The following TRIM67 variants were observed in gnomAD, a reference collection of about 807,000 sequenced individuals.
TRIM67 encodes tripartite motif-containing protein 67.
A neutral mutation model predicts 71.0 loss-of-function variants in TRIM67; 39 were observed. The observed-to-expected ratio is 0.55, with a 90% confidence interval of 0.43 to 0.72. The LOEUF (loss-of-function observed/expected upper bound fraction) is 0.72, where lower values mean the gene tolerates loss of function less well. Among genes scored for constraint, TRIM67 ranks in the 30% least tolerant of loss-of-function variants. The pLI is 0.00. For synonymous variants in TRIM67, 481 were observed against 473.9 expected (o/e 1.01, Z -0.19); for missense variants, 973 against 1,079.2 (o/e 0.90, Z 1.38).
At chr1:231,190,100 T>A (rs920624376) in intron 1 of TRIM67, among the ~76,000 whole-genome samples, 16 of 152,150 alleles carry the variant, frequency 1.1e-4, no homozygotes, top group Admixed American at 1.0e-3. Context: ...AATAAGAAAC[T>A]AATGTCCCAT....
chr1:231,172,303 A>G (rs1180101109), intron 1 of TRIM67, among the ~76,000 whole-genome samples: 4 of 152,136 alleles, frequency 2.6e-5, no homozygotes, highest in Non-Finnish European at 5.9e-5. Context: ...ATGGAGCACA[A>G]CCTCTCATTC....
At chr1:231,172,232 T>A (rs1287942124) in intron 1 of TRIM67, among the ~76,000 whole-genome samples, 1 of 152,198 alleles carries the variant, frequency 6.6e-6, no homozygotes, top group Non-Finnish European at 1.5e-5. Flanking sequence ...TGAGGAGTAG[T>A]TATGCATAGA....
At position 231,207,163 on chromosome 1, in the gene TRIM67, A is replaced by G. The variant is rs1683726417; in HGVS notation, c.1819+373A>G. 3.3e-5 allele frequency among the ~76,000 whole-genome samples: 5 copies of G among 152,276 alleles called. No individual in the cohort carries two copies. The South Asian group carries it at 1.0e-3, about 32-fold the overall frequency. ...CACGAAAGAAACATTCATTTACCCCATTGTGCTGGACTAAATGTGAAGTAG... is the reference window on the plus strand; with the variant it reads ...CACGAAAGAAACATTCATTTACCCCGTTGTGCTGGACTAAATGTGAAGTAG... On this transcript the variant is annotated intron_variant, in intron 7 of 9. Coordinates refer to ENST00000366653, the MANE Select transcript of TRIM67 (RefSeq NM_001004342.5).
intron 9 of TRIM67, among the ~76,000 whole-genome samples, chr1:231,214,647 CG>C: frequency 6.6e-6 from 1 of 151,776 alleles, no homozygotes; most frequent in African/African-American, 2.4e-5. Flanking sequence ...GGCATGGTAG[CG>C]GGTGCCTGTA....
At chr1:231,176,906 C>CA (rs56115614) in intron 1 of TRIM67, among the ~76,000 whole-genome samples, 1,194 of 74,294 alleles carry the variant, frequency 0.016, 50 homozygotes, top group Middle Eastern at 0.056. Context: ...TACAATCTGG[C>CA]AAAAAAAAAA....
chr1:231,212,030 A>G (rs1338865472), intron 8 of TRIM67, among the ~76,000 whole-genome samples: 1 of 152,246 alleles, frequency 6.6e-6, no homozygotes, highest in East Asian at 1.9e-4. Flanking sequence ...GCCGGTGGCC[A>G]AAGAGACAGC....
chr1:231,202,239 G>A (rs939375489), intron 5 of TRIM67, among the ~76,000 whole-genome samples: 13 of 7,564 alleles, frequency 1.7e-3, no homozygotes, highest in East Asian at 0.014. Context: ...AGGAGAGGAG[G>A]GGGGGTAGTG....
At chr1:231,197,109 T>C (rs1683384867) in intron 1 of TRIM67, among the ~76,000 whole-genome samples, 2 of 152,226 alleles carry the variant, frequency 1.3e-5, no homozygotes, top group Admixed American at 1.3e-4. Context: ...CCTGTTTGCT[T>C]CAACCCGTTA....
At chr1:231,193,466 TA>T (rs1052913230) in intron 1 of TRIM67, among the ~76,000 whole-genome samples, 16 of 120,690 alleles carry the variant, frequency 1.3e-4, no homozygotes, top group East Asian at 2.4e-4. Context: ...TTAATTCCCT[TA>T]AAAAAAAAGA....
At chr1:231,172,861 TTCTC>T (rs775683609) in intron 1 of TRIM67, among the ~76,000 whole-genome samples, 19 of 152,210 alleles carry the variant, frequency 1.2e-4, no homozygotes, top group Non-Finnish European at 2.4e-4. Context: ...AGATGAGACT[TTCTC>T]TCACTCGATA....
At chr1:231,184,948 CT>C (rs1683020576) in intron 1 of TRIM67, 5 of 1,412,132 alleles carry the variant, frequency 3.5e-6, no homozygotes, top group Non-Finnish European at 3.8e-6. Flanking sequence ...TGAAGCCCAG[CT>C]CTAAGGGTTG....
At position 231,216,746 on chromosome 1, in the gene TRIM67, G is replaced by A; in HGVS notation, c.*1306G>A. ...CCAGGGCAGGACTCTGGAAACACCAGGCTTCTCCCTTGAGATCCACATTGA... is the reference window on the plus strand; with the variant it reads ...CCAGGGCAGGACTCTGGAAACACCAAGCTTCTCCCTTGAGATCCACATTGA... On this transcript the variant is annotated 3_prime_UTR_variant, in exon 10 of 10. Transcript: ENST00000366653. 1.0e-6 allele frequency: 1 copy of A among 985,494 alleles called. No individual in the cohort carries two copies. Among genetic ancestry groups the A allele is most frequent in the African/African-American group, 1.7e-5 (1 of 57,370 alleles). The allele number at this position is 985,494 out of a possible 1,614,324, so 61.0% of individuals were successfully genotyped here.
intron 5 of TRIM67, among the ~76,000 whole-genome samples, chr1:231,202,266 TGGC>T (rs1558304298): frequency 5.2e-4 from 8 of 15,342 alleles, no homozygotes; most frequent in East Asian, 3.1e-3. Flanking sequence ...GAGGAGGTGG[TGGC>T]GGAGGAGGAG....
intron 1 of TRIM67, among the ~76,000 whole-genome samples, chr1:231,174,152 CTT>C (rs35651112): frequency 0.1 from 12,902 of 127,466 alleles, 521 homozygotes; most frequent in African/African-American, 0.19. Context: ...GTCTTATTTT[CTT>C]TTTTTTTTTT....
chr1:231,181,506 T>TTAA (rs1682907160), intron 1 of TRIM67, among the ~76,000 whole-genome samples: 2 of 152,234 alleles, frequency 1.3e-5, no homozygotes, highest in African/African-American at 4.8e-5. Context: ...TTAAGCTGTC[T>TTAA]GATACAACCA....
In TRIM67 at chr1:231,215,881, G is replaced by A. The variant is rs1457944618; in HGVS notation, c.*441G>A. The A allele has an allele frequency of 3.0e-6, 3 of 996,610 alleles. No individual in the cohort carries two copies. The highest frequency in any genetic ancestry group is 9.3e-5 in the South Asian group (2 of 21,394). 61.7% of individuals were successfully genotyped at this position (996,610 alleles called of 1,614,324 possible). A position where few individuals can be genotyped will look rare whatever the true frequency, so the allele number is the denominator to read the frequency against. On this transcript the variant is annotated 3_prime_UTR_variant, in exon 10 of 10. Coordinates refer to ENST00000366653, the MANE Select transcript of TRIM67 (RefSeq NM_001004342.5). Reference sequence around the variant, plus strand: ...ACGCCCCGGGTGTTGGCCCTCCGTGGGGACCTTGCCTCCTCAGAGTCCCGA... The same window carrying A: ...ACGCCCCGGGTGTTGGCCCTCCGTGAGGACCTTGCCTCCTCAGAGTCCCGA...
rs565075926 is a variant in TRIM67 at position 231,170,455 on chromosome 1, GTGAA to G, written c.1044+6447_1044+6450del. 2.8e-3 allele frequency among the ~76,000 whole-genome samples: 422 copies of G among 152,326 alleles called. 5 individuals carry two copies. Among genetic ancestry groups the G allele is most frequent in the Non-Finnish European group, 4.9e-3 (331 of 68,032 alleles). ...AAAGTTGAAGACAACCTCAAAGGCT[GTGAA>G]TGAACAATCCTCCTGTCACTATTCA... On this transcript the variant is annotated intron_variant, in intron 1 of 9. Coordinates refer to ENST00000366653, the MANE Select transcript of TRIM67 (RefSeq NM_001004342.5).
At chr1:231,208,277 C>T (rs1322213233) in intron 7 of TRIM67, among the ~76,000 whole-genome samples, 1 of 151,840 alleles carries the variant, frequency 6.6e-6, no homozygotes, top group Non-Finnish European at 1.5e-5. Flanking sequence ...AGGTTCACAC[C>T]TTTCTCCTGC....
intron 1 of TRIM67, among the ~76,000 whole-genome samples, chr1:231,185,403 C>A (rs1490577043): frequency 6.6e-6 from 1 of 151,786 alleles, no homozygotes; most frequent in Non-Finnish European, 1.5e-5. Context: ...CAAGTGGAAC[C>A]CAGGAGCTCC....
Sources: gnomAD v4.1 joint callset for allele counts (sites outside exome capture counted in the v4.1 genomes callset) on GRCh38, gnomAD v4.1.1 for gene constraint, MANE v1.5 for transcripts, NCBI Gene and HGNC (gene_info 2026-07-23, HGNC 2026-07-21) for gene names.